The following HTR3B variants were observed in gnomAD, a reference collection of about 807,000 sequenced individuals.
HTR3B encodes 5-hydroxytryptamine (serotonin) receptor 3B, ionotropic.
HTR3B carries 44 observed loss-of-function variants against 42.8 expected under a neutral mutation model. That is an observed-to-expected ratio of 1.03 (90% CI 0.81 to 1.32). The LOEUF (loss-of-function observed/expected upper bound fraction) is 1.32. Among genes scored for constraint, HTR3B ranks in the 40% most tolerant of loss-of-function variants. HTR3B has a pLI of 0.00. For missense variants in HTR3B, 527 were observed against 536.5 expected (o/e 0.98, Z 0.17); for synonymous variants, 203 against 209.0 (o/e 0.97, Z 0.25).
chr11:113,939,997 C>T (rs141107225), intron 6 of HTR3B, among the ~76,000 whole-genome samples: 4 of 152,068 alleles, frequency 2.6e-5, no homozygotes, highest in African/African-American at 9.6e-5. Context: ...AGCGATTCTC[C>T]TGCCTCAGCC....
intron 2 of HTR3B, among the ~76,000 whole-genome samples, chr11:113,930,833 T>A (rs11824155): frequency 0.053 from 8,044 of 152,024 alleles, 275 homozygotes; most frequent in African/African-American, 0.081. Flanking sequence ...TTTTAAAAAT[T>A]TTATGGACTC....
upstream of HTR3B, among the ~76,000 whole-genome samples, chr11:113,900,384 G>A (rs1949689611): frequency 1.3e-5 from 2 of 152,304 alleles, no homozygotes; most frequent in South Asian, 4.1e-4. Context: ...GATGATGTCT[G>A]GGGAATTAGC....
intron 6 of HTR3B, among the ~76,000 whole-genome samples, chr11:113,933,603 GCTTCTGGATCAGAGGGAA>G (rs1285596847): frequency 8.5e-5 from 13 of 152,094 alleles, no homozygotes; most frequent in African/African-American, 3.1e-4. Context: ...ACCACTGGTA[GCTTCTGGATCAGAGGGAA>G]CAATTAACCC....
At chr11:113,938,190 A>G (rs1950106710) in intron 6 of HTR3B, among the ~76,000 whole-genome samples, 1 of 152,126 alleles carries the variant, frequency 6.6e-6, no homozygotes, top group African/African-American at 2.4e-5. Flanking sequence ...ATAAGGTCAC[A>G]TTCTGAGGTT....
intron 8 of HTR3B, among the ~76,000 whole-genome samples, chr11:113,945,260 G>A (rs571566044): frequency 1.3e-5 from 2 of 152,020 alleles, no homozygotes; most frequent in South Asian, 2.1e-4. Context: ...TCAGCCTCCC[G>A]AGTAGCTAGG....
chr11:113,925,425 T>G (rs1023272659), intron 2 of HTR3B, among the ~76,000 whole-genome samples: 42 of 127,894 alleles, frequency 3.3e-4, no homozygotes, highest in Admixed American at 7.1e-4. Context: ...TTGTTTTTTT[T>G]TTTTTTTTTT....
At chr11:113,924,502 C>G (rs12417527) in intron 2 of HTR3B, among the ~76,000 whole-genome samples, 15,280 of 151,610 alleles carry the variant, frequency 0.1, 1,180 homozygotes, top group East Asian at 0.29. Context: ...TTGCACATCT[C>G]TGGTCCCAGC....
chr11:113,943,256 G>T (rs1950151358), intron 7 of HTR3B, 64 bp downstream of exon 7: 1 of 1,362,632 alleles, frequency 7.3e-7, no homozygotes, highest in Admixed American at 1.9e-5. Context: ...TCTAATGCTG[G>T]CCAGGCATGG....
At position 113,910,861 on chromosome 11, in the gene HTR3B, G is replaced by A. The variant is rs574008500; in HGVS notation, c.213+1406G>A. Among the ~76,000 whole-genome samples the A allele has an allele frequency of 1.2e-4, 17 of 140,598 alleles. 1 individual carries two copies. The East Asian group carries it at 1.9e-3, about 15-fold the overall frequency. The allele number at this position is 140,598 out of a possible 152,430, so 92.2% of individuals were successfully genotyped here. On this transcript the variant is annotated intron_variant, in intron 2 of 8. Coordinates refer to ENST00000260191, the MANE Select transcript of HTR3B (RefSeq NM_006028.5). ...TTTTTTTTTTTTGAGACAGAGTCTC[G>A]CTCTGTCGCCCAGGCTGAAGTGCAG...
At chr11:113,900,049 C>A (rs978853963), upstream of HTR3B, among the ~76,000 whole-genome samples, 1 of 152,020 alleles carries the variant, frequency 6.6e-6, no homozygotes. Flanking sequence ...GGTGGATCAC[C>A]TGAGGTCAGG....
At chr11:113,929,875 G>A (rs955605988) in intron 2 of HTR3B, among the ~76,000 whole-genome samples, 1 of 152,112 alleles carries the variant, frequency 6.6e-6, no homozygotes, top group African/African-American at 2.4e-5. Context: ...TGGGACTACA[G>A]GCGCCCACGA....
upstream of HTR3B, among the ~76,000 whole-genome samples, chr11:113,901,428 G>A (rs536474511): frequency 8.6e-4 from 128 of 149,010 alleles, 1 homozygote; most frequent in African/African-American, 2.8e-3. Context: ...GCGACAGAGT[G>A]AAACTCTGCC....
chr11:113,922,749 G>A (rs540927572), intron 2 of HTR3B, among the ~76,000 whole-genome samples: 16 of 151,804 alleles, frequency 1.1e-4, no homozygotes, highest in Non-Finnish European at 2.4e-4. Context: ...TAGAGACGGG[G>A]TTTCACCATG....
At chr11:113,912,645 AT>A (rs1361769825) in intron 2 of HTR3B, among the ~76,000 whole-genome samples, 1 of 152,192 alleles carries the variant, frequency 6.6e-6, no homozygotes, top group Non-Finnish European at 1.5e-5. Context: ...GTGGTTGTGC[AT>A]TTTACACTCC....
At chr11:113,898,965 C>T in the HTR3B span, among the ~76,000 whole-genome samples, 1 of 152,122 alleles carries the variant, frequency 6.6e-6, no homozygotes, top group African/African-American at 2.4e-5. Context: ...CCGTAGAAAA[C>T]TAACTCAATG....
rs1243554786 is a variant in HTR3B at position 113,944,563 on chromosome 11, C to T, written c.908-10C>T. 1 of 1,611,216 alleles carries T rather than the reference C, an allele frequency of 6.2e-7. No homozygotes were observed. Among genetic ancestry groups the T allele is most frequent in the Non-Finnish European group, 8.5e-7 (1 of 1,177,666 alleles). On this transcript the variant is annotated splice_polypyrimidine_tract_variant and intron_variant, in intron 7 of 8. Transcript: ENST00000260191. ...TGGAGGCTAACTGCACCTCTTCTGG[C>T]TTCTCTCAGGGCACTTCTTCACCAT...
chr11:113,930,314 G>A (rs1209148085), intron 2 of HTR3B, among the ~76,000 whole-genome samples: 2 of 151,836 alleles, frequency 1.3e-5, no homozygotes, highest in African/African-American at 4.8e-5. Flanking sequence ...TCTTTTAAGA[G>A]TTTTATAGTT....
chr11:113,948,971 T>C lies in HTR3B; in HGVS notation c.*2834T>C, dbSNP rs1950200425. ...CAGCAACGTGGCACGTGTATACATA[T>C]GTAACAAACCTGCACGTTGTGCACA... On this transcript the variant is annotated 3_prime_UTR_variant, in exon 9 of 9. Coordinates refer to ENST00000260191, the MANE Select transcript of HTR3B (RefSeq NM_006028.5). 6.6e-6 allele frequency among the ~76,000 whole-genome samples: 1 copy of C among 152,234 alleles called. No individual in the cohort carries two copies. Among genetic ancestry groups the C allele is most frequent in the African/African-American group, 2.4e-5 (1 of 41,460 alleles).
Position 113,932,402 on chromosome 11 carries a change from C to A in HTR3B, c.482C>A (p.Ala161Asp), listed in dbSNP as rs939739301. Residue 161 changes from alanine to aspartate, a missense_variant, in exon 5 of 9, where the codon GCT becomes GAT. Transcript: ENST00000260191. The part of the protein sequence containing the change: ...VVSACSLETY[A>D]FPFDVQNCSL... ...TCTGCGTGCAGTTTAGAGACATATG[C>A]TTTTCCATTTGATGTCCAGAATTGC... 1.2e-6 allele frequency: 2 copies of A among 1,614,074 alleles called. No individual in the cohort carries two copies. The highest frequency in any genetic ancestry group is 1.7e-6 in the Non-Finnish European group (2 of 1,179,932).
Sources: gnomAD v4.1 joint callset for allele counts (sites outside exome capture counted in the v4.1 genomes callset) on GRCh38, gnomAD v4.1.1 for gene constraint, MANE v1.5 for transcripts, NCBI Gene and HGNC (gene_info 2026-07-23, HGNC 2026-07-21) for gene names.